MARCHF1: variants seen among roughly 807,000 people sequenced by gnomAD.
MARCHF1 encodes membrane associated ring-CH-type finger 1.
A neutral mutation model predicts 54.2 loss-of-function variants in MARCHF1; 40 were observed. The ratio of observed to expected loss-of-function variants is 0.74; its 90% CI spans 0.57 to 0.96. The LOEUF (loss-of-function observed/expected upper bound fraction) is 0.96, where lower values mean the gene tolerates loss of function less well. MARCHF1 is among the 40% of genes least tolerant of loss of function. The probability of loss-of-function intolerance (pLI) is 0.00; values close to 1 mark genes in which losing one functional copy is unlikely to be tolerated. For missense variants in MARCHF1, 586 were observed against 656.5 expected (o/e 0.89, Z 1.17); for synonymous variants, 236 against 236.3 (o/e 1.00, Z 0.01).
intron 3 of MARCHF1, among the ~76,000 whole-genome samples, chr4:163,979,686 G>A (rs1330233262): frequency 6.6e-6 from 1 of 152,004 alleles, no homozygotes; most frequent in African/African-American, 2.4e-5. Flanking sequence ...AGCACCTGTT[G>A]TTTCCTGACT....
intron 1 of MARCHF1, among the ~76,000 whole-genome samples, chr4:164,114,708 TA>T (rs1755905176): frequency 6.6e-6 from 1 of 150,384 alleles, no homozygotes; most frequent in African/African-American, 2.4e-5. Flanking sequence ...TTACGATAAA[TA>T]GTATTGAGAC....
chr4:164,039,016 T>C (rs554059105), intron 2 of MARCHF1, among the ~76,000 whole-genome samples: 1 of 152,300 alleles, frequency 6.6e-6, no homozygotes, highest in Non-Finnish European at 1.5e-5. Flanking sequence ...AGAAAAATCA[T>C]TAATTTAATG....
At chr4:164,281,722 C>T (rs1475959148) in intron 1 of MARCHF1, among the ~76,000 whole-genome samples, 1 of 152,110 alleles carries the variant, frequency 6.6e-6, no homozygotes, top group Non-Finnish European at 1.5e-5. Context: ...AAAGCTTTAT[C>T]ATCAGGGTAA....
At chr4:163,663,222 CT>C (rs70948661) in intron 5 of MARCHF1, among the ~76,000 whole-genome samples, 2,539 of 141,054 alleles carry the variant, frequency 0.018, 70 homozygotes, top group African/African-American at 0.054. Flanking sequence ...TTTAAATCAT[CT>C]TTTTTTTTTT....
At chr4:163,603,091 G>C (rs1741024666) in intron 7 of MARCHF1, among the ~76,000 whole-genome samples, 1 of 152,066 alleles carries the variant, frequency 6.6e-6, no homozygotes, top group Non-Finnish European at 1.5e-5. Flanking sequence ...AAGTGACCTA[G>C]ACAATGGGTG....
chr4:164,142,178 C>T (rs775520571), intron 1 of MARCHF1, among the ~76,000 whole-genome samples: 118 of 152,330 alleles, frequency 7.7e-4, no homozygotes, highest in Non-Finnish European at 1.5e-3. Flanking sequence ...CCTATGCCCA[C>T]GGAGACTCGC....
intron 5 of MARCHF1, among the ~76,000 whole-genome samples, chr4:163,640,844 C>T (rs1439284875): frequency 6.6e-6 from 1 of 151,748 alleles, no homozygotes; most frequent in Non-Finnish European, 1.5e-5. Context: ...AAAGTTGGGC[C>T]AATTATTGGT....
chr4:164,216,744 T>C (rs1731945771), intron 1 of MARCHF1, among the ~76,000 whole-genome samples: 1 of 152,188 alleles, frequency 6.6e-6, no homozygotes, highest in Non-Finnish European at 1.5e-5. Context: ...CCTACAGCTG[T>C]CTCATTCCTT....
At chr4:163,752,698 A>G (rs138465829) in intron 4 of MARCHF1, among the ~76,000 whole-genome samples, 97 of 152,332 alleles carry the variant, frequency 6.4e-4, no homozygotes, top group Non-Finnish European at 1.0e-3. Flanking sequence ...AAAATTGGCA[A>G]AATAGTCTAA....
intron 4 of MARCHF1, among the ~76,000 whole-genome samples, chr4:163,736,956 T>C (rs1170621028): frequency 6.6e-6 from 1 of 152,052 alleles, no homozygotes; most frequent in Admixed American, 6.6e-5. Flanking sequence ...AAATTTATGA[T>C]GGCCCTAACA....
intron 2 of MARCHF1, among the ~76,000 whole-genome samples, chr4:164,051,934 T>C (rs995767038): frequency 6.6e-6 from 1 of 152,162 alleles, no homozygotes; most frequent in South Asian, 2.1e-4. Context: ...TGCAAAAGAA[T>C]TTTGATTTGC....
chr4:163,809,973 G>A (rs950358191), intron 4 of MARCHF1, among the ~76,000 whole-genome samples: 8 of 151,744 alleles, frequency 5.3e-5, no homozygotes, highest in Non-Finnish European at 8.8e-5. Flanking sequence ...CTTTGGTACT[G>A]TATCCTGTAA....
chr4:163,531,100 A>C (rs1199423197), intron 9 of MARCHF1, among the ~76,000 whole-genome samples: 2 of 151,898 alleles, frequency 1.3e-5, no homozygotes, highest in African/African-American at 4.8e-5. Flanking sequence ...CTTTTCCAGA[A>C]AATAGAAGAG....
At chr4:163,807,760 C>T (rs922107890) in intron 4 of MARCHF1, among the ~76,000 whole-genome samples, 1 of 151,490 alleles carries the variant, frequency 6.6e-6, no homozygotes, top group East Asian at 1.9e-4. Flanking sequence ...GTGAAATATA[C>T]CCCCAAATAT....
At chr4:163,819,761 C>T (rs1748640519) in intron 4 of MARCHF1, among the ~76,000 whole-genome samples, 1 of 152,096 alleles carries the variant, frequency 6.6e-6, no homozygotes, top group African/African-American at 2.4e-5. Context: ...AACCAACTTG[C>T]ATATGCACCT....
intron 3 of MARCHF1, among the ~76,000 whole-genome samples, chr4:163,877,473 T>C (rs1341960849): frequency 6.6e-6 from 1 of 150,384 alleles, no homozygotes; most frequent in Non-Finnish European, 1.5e-5. Flanking sequence ...TTTTTTTTTT[T>C]TTTCTAATGA....
chr4:164,197,759 T>C (rs1164038786), intron 1 of MARCHF1: 15 of 1,609,956 alleles, frequency 9.3e-6, no homozygotes, highest in Non-Finnish European at 1.3e-5. Flanking sequence ...CCGAATTCAA[T>C]CAATAAACCT....
intron 3 of MARCHF1, among the ~76,000 whole-genome samples, chr4:163,866,551 A>G (rs1750057118): frequency 6.8e-6 from 1 of 146,728 alleles, no homozygotes; most frequent in Non-Finnish European, 1.5e-5. Flanking sequence ...TCAAATATCA[A>G]TTATACAAAA....
intron 4 of MARCHF1, among the ~76,000 whole-genome samples, chr4:163,734,576 T>G (rs1745978488): frequency 6.6e-6 from 1 of 152,000 alleles, no homozygotes. Context: ...TCCTGCTTTT[T>G]GTAATGTTCC....
Sources: gnomAD v4.1 joint callset for allele counts (sites outside exome capture counted in the v4.1 genomes callset) on GRCh38, gnomAD v4.1.1 for gene constraint, MANE v1.5 for transcripts, NCBI Gene and HGNC (gene_info 2026-07-23, HGNC 2026-07-21) for gene names.